The following ZNF547 variants were observed in gnomAD, a reference collection of about 807,000 sequenced individuals.
The protein encoded by ZNF547 is zinc finger protein 547.
In ZNF547, 4 loss-of-function variants were observed where a neutral mutation model predicts 7.7. The ratio of observed to expected loss-of-function variants is 0.52; its 90% CI spans 0.26 to 1.20. ZNF547 has a LOEUF of 1.20. ZNF547 is among the 50% of genes most tolerant of loss of function. The probability of loss-of-function intolerance (pLI) is 0.14; values close to 1 mark genes in which losing one functional copy is unlikely to be tolerated. For missense variants in ZNF547, 449 were observed against 485.8 expected (o/e 0.92, Z 0.71); for synonymous variants, 166 against 166.2 (o/e 1.00, Z 0.01).
chr19:57,375,269 G>A (rs933836168), intron 3 of ZNF547, among the ~76,000 whole-genome samples: 20 of 152,068 alleles, frequency 1.3e-4, no homozygotes, highest in African/African-American at 4.6e-4. Flanking sequence ...AGAATCACTT[G>A]CACCCAGGGG....
At chr19:57,365,248 T>C in intron 1 of ZNF547, 1 of 1,562,450 alleles carries the variant, frequency 6.4e-7, no homozygotes, top group South Asian at 1.2e-5. Context: ...GAAACACCTT[T>C]TAAGCTGAAT....
chr19:57,364,442 CTTCAAAA>C, intron 1 of ZNF547: 1 of 198,002 alleles, frequency 5.1e-6, no homozygotes, highest in Non-Finnish European at 1.0e-5. Flanking sequence ...GGTGTAGATT[CTTCAAAA>C]GAATAGAGGG....
At chr19:57,365,301 A>C in intron 1 of ZNF547, 1 of 1,282,584 alleles carries the variant, frequency 7.8e-7, no homozygotes, top group African/African-American at 1.5e-5. Context: ...AATGGTGTAT[A>C]CTCAGGAATG....
Position 57,377,308 on chromosome 19 carries a change from A to G in ZNF547, c.332A>G (p.Glu111Gly). 1.2e-6 allele frequency: 2 copies of G among 1,614,198 alleles called. No individual in the cohort carries two copies. The highest frequency in any genetic ancestry group is 1.7e-6 in the Non-Finnish European group (2 of 1,180,046). ...GCTGAGCATGACGGAACACACCCCG[A>G]GCAGGGACTGTACACGTGTCCAGCA... is the stretch of plus-strand genomic sequence containing the variant. ...RLAEHDGTHP[E>G]QGLYTCPAHL... Residue 111 changes from glutamate to glycine, a missense_variant, in exon 4 of 4, where the codon GAG becomes GGG. Transcript: ENST00000282282.
rs753524064 is a variant in ZNF547, at chr19:57,377,763, A to G, written c.787A>G (p.Thr263Ala). 3 of 1,614,244 alleles carry G rather than the reference A, an allele frequency of 1.9e-6. No homozygotes were observed. In the Admixed American group the frequency reaches 5.0e-5, roughly 27 times the overall value. ...ACTCATTACACATCAGAGGGTTCACACTGGAAAGAGGCCTTATGGTTGCAG... is the reference window on the plus strand; with the variant it reads ...ACTCATTACACATCAGAGGGTTCACGCTGGAAAGAGGCCTTATGGTTGCAG... The part of the protein sequence containing the change: ...STLITHQRVH[T>A]GKRPYGCSEC... Residue 263 changes from threonine to alanine, a missense_variant, in exon 4 of 4, where the codon ACT becomes GCT. Thr to Ala is a moderately conservative substitution (Grantham distance 58). Transcript: ENST00000282282.
intron 2 of ZNF547, among the ~76,000 whole-genome samples, chr19:57,370,624 C>G (rs891351533): frequency 1.2e-4 from 18 of 152,138 alleles, no homozygotes; most frequent in Non-Finnish European, 2.4e-4. Context: ...GGCCCTGGCC[C>G]TGGTAGCTCA....
chr19:57,373,395 G>C (rs915765378), intron 3 of ZNF547, among the ~76,000 whole-genome samples: 1 of 152,056 alleles, frequency 6.6e-6, no homozygotes, highest in Non-Finnish European at 1.5e-5. Flanking sequence ...GATGAGATTT[G>C]GGTGGGGACA....
chr19:57,365,908 G>T (rs572992428), intron 1 of ZNF547, among the ~76,000 whole-genome samples: 190 of 141,022 alleles, frequency 1.3e-3, no homozygotes, highest in South Asian at 6.0e-3. Flanking sequence ...TGTTGTGCAG[G>T]GGCTGGAGTG....
At chr19:57,365,381 A>C (rs1035810959) in intron 1 of ZNF547, 2 of 696,748 alleles carry the variant, frequency 2.9e-6, no homozygotes, top group Non-Finnish European at 4.8e-6. Context: ...TCTAAACTTA[A>C]TGAAATTTCT....
chr19:57,375,362 G>A (rs951125782), intron 3 of ZNF547, among the ~76,000 whole-genome samples: 32 of 150,656 alleles, frequency 2.1e-4, no homozygotes, highest in African/African-American at 3.2e-4. Context: ...AGAGATACGC[G>A]ATACTTGGCC....
chr19:57,375,243 G>A (rs972299380), intron 3 of ZNF547, among the ~76,000 whole-genome samples: 1 of 152,014 alleles, frequency 6.6e-6, no homozygotes, highest in Non-Finnish European at 1.5e-5. Flanking sequence ...CTAGCTACTC[G>A]GGAGGCTGAA....
chr19:57,364,467 G>GTATCATTAAAAAA, intron 1 of ZNF547: 21 of 259,554 alleles, frequency 8.1e-5, no homozygotes, highest in South Asian at 3.0e-4. Context: ...GGGTGGCCGG[G>GTATCATTAAAAAA]CGTGGTGGCT....
At chr19:57,368,423 G>C in intron 1 of ZNF547, 121 bp from the exon 2 acceptor site, 1 of 874,220 alleles carries the variant, frequency 1.1e-6, no homozygotes, top group South Asian at 1.5e-5. Flanking sequence ...GAGGAGCTGA[G>C]TTTATACAAT....
chr19:57,365,186 A>G (rs763796116), intron 1 of ZNF547: 97 of 1,591,964 alleles, frequency 6.1e-5, no homozygotes, highest in African/African-American at 1.2e-4. Flanking sequence ...TATGAACCCA[A>G]TTCTCCTATT....
intron 1 of ZNF547, chr19:57,364,445 C>CGG: frequency 1.0e-5 from 2 of 191,100 alleles, no homozygotes; most frequent in Non-Finnish European, 2.2e-5. Flanking sequence ...GTAGATTCTT[C>CGG]AAAAGAATAG....
chr19:57,366,097 T>C (rs1258184929), intron 1 of ZNF547, among the ~76,000 whole-genome samples: 1 of 152,054 alleles, frequency 6.6e-6, no homozygotes, highest in African/African-American at 2.4e-5. Context: ...ACTCCTGACC[T>C]CGTGATCCGC....
chr19:57,376,864 CT>C (rs2088539059), intron 3 of ZNF547, among the ~76,000 whole-genome samples: 1 of 152,076 alleles, frequency 6.6e-6, no homozygotes, highest in Non-Finnish European at 1.5e-5. Context: ...TCTTGGTGGG[CT>C]TTTGTTACAT....
At chr19:57,365,368 T>C in intron 1 of ZNF547, 3 of 738,906 alleles carry the variant, frequency 4.1e-6, no homozygotes, top group Non-Finnish European at 6.7e-6. Flanking sequence ...TATTCTCAGC[T>C]TATCTAAACT....
In ZNF547 at chr19:57,377,518, A is replaced by G. The variant is rs1284658927; in HGVS notation, c.542A>G (p.Glu181Gly). The G allele has an allele frequency of 6.2e-7, 1 of 1,614,122 alleles. No individual in the cohort carries two copies. The highest frequency in any genetic ancestry group is 1.3e-5 in the African/African-American group (1 of 74,936). Residue 181 changes from glutamate (E) to glycine (G), a missense_variant, in exon 4 of 4, where the codon GAA becomes GGA. Physicochemically the swap from Glu to Gly is moderately conservative, Grantham distance 98 (BLOSUM62 -2). Coordinates refer to ENST00000282282, the MANE Select transcript of ZNF547 (RefSeq NM_173631.4). ...GACCATCAGAAAATCCACACTGGAG[A>G]AAGAACTTATAAGTGCAGCAAATGT... ...LSDHQKIHTG[E>G]RTYKCSKCGI...
Sources: gnomAD v4.1 joint callset for allele counts (sites outside exome capture counted in the v4.1 genomes callset) on GRCh38, gnomAD v4.1.1 for gene constraint, MANE v1.5 for transcripts, NCBI Gene and HGNC (gene_info 2026-07-23, HGNC 2026-07-21) for gene names.